Variants in PLEKHM3 observed in about 807,000 individuals in gnomAD.
PLEKHM3 encodes the protein pleckstrin homology domain-containing family M member 3.
In PLEKHM3, 45 loss-of-function variants were observed where a neutral mutation model predicts 81.8. The observed-to-expected ratio is 0.55, with a 90% CI of 0.43 to 0.71. PLEKHM3 has a LOEUF of 0.71. Ranked by LOEUF, PLEKHM3 falls within the 30% of genes least tolerant of loss-of-function variation. The pLI, the probability that PLEKHM3 is intolerant of heterozygous loss-of-function variation, is 0.00. For synonymous variants in PLEKHM3, 352 were observed against 356.4 expected, an observed-to-expected ratio of 0.99 and a Z score of 0.14; for missense variants, 788 against 924.3, an observed-to-expected ratio of 0.85 and a Z score of 1.91.
At chr2:207,984,525 C>T (rs377135464) in intron 2 of PLEKHM3, among the ~76,000 whole-genome samples, 4 of 152,164 alleles carry the variant, frequency 2.6e-5, no homozygotes, top group Admixed American at 6.5e-5. Context: ...GGATTACAGG[C>T]GTGTGCCACC....
At chr2:207,949,563 G>T (rs1690261987) in intron 3 of PLEKHM3, among the ~76,000 whole-genome samples, 1 of 152,092 alleles carries the variant, frequency 6.6e-6, no homozygotes, top group South Asian at 2.1e-4. Flanking sequence ...TTTTTAAAAA[G>T]AAAGAAAGAA....
chr2:208,011,890 T>C (rs1692709975), intron 1 of PLEKHM3, among the ~76,000 whole-genome samples: 1 of 137,446 alleles, frequency 7.3e-6, no homozygotes, highest in Admixed American at 8.1e-5. Flanking sequence ...CTCTGCCTCC[T>C]AGGTTCAAGT....
In PLEKHM3 at chr2:207,993,391, C is replaced by T. The variant is rs1691962122; in HGVS notation, c.610+7639G>A. ...TCAGCAAGAGACCATGTCCTGGTGA[C>T]CTCACTTGTTCTTAGCCTGCAGGAA... On this transcript the variant is annotated intron_variant, in intron 2 of 7. Coordinates refer to ENST00000427836, the MANE Select transcript of PLEKHM3 (RefSeq NM_001080475.3). Among the ~76,000 whole-genome samples the T allele has an allele frequency of 2.0e-5, 3 of 152,046 alleles. No individual in the cohort carries two copies. In the South Asian group the frequency reaches 6.2e-4, roughly 31 times the overall value.
chr2:207,982,314 G>C (rs1691558217), intron 2 of PLEKHM3, among the ~76,000 whole-genome samples: 1 of 145,630 alleles, frequency 6.9e-6, no homozygotes, highest in Admixed American at 7.2e-5. Flanking sequence ...CTGTCACCCA[G>C]GCTGGACAGC....
chr2:207,899,197 G>A (rs1403336778), intron 6 of PLEKHM3, among the ~76,000 whole-genome samples: 1 of 152,180 alleles, frequency 6.6e-6, no homozygotes, highest in Non-Finnish European at 1.5e-5. Context: ...TGAATTGGGT[G>A]AAGTGCTGGA....
At chr2:207,893,407 C>T (rs906323288) in intron 6 of PLEKHM3, among the ~76,000 whole-genome samples, 4 of 152,216 alleles carry the variant, frequency 2.6e-5, no homozygotes, top group African/African-American at 9.7e-5. Context: ...TTAAATTATA[C>T]ACACACCTAA....
At chr2:207,894,637 G>A (rs548551460) in intron 6 of PLEKHM3, among the ~76,000 whole-genome samples, 80 of 152,182 alleles carry the variant, frequency 5.3e-4, no homozygotes, top group Non-Finnish European at 9.8e-4. Flanking sequence ...AATAGAGAAT[G>A]TGAGTGCTGG....
chr2:207,910,274 G>T (rs1688770283), intron 5 of PLEKHM3, among the ~76,000 whole-genome samples: 1 of 152,182 alleles, frequency 6.6e-6, no homozygotes, highest in Non-Finnish European at 1.5e-5. Flanking sequence ...CTTCTCTACA[G>T]GAAGGCCCCT....
At chr2:207,875,898 G>T (rs2092557721) in intron 6 of PLEKHM3, among the ~76,000 whole-genome samples, 1 of 152,120 alleles carries the variant, frequency 6.6e-6, no homozygotes, top group Non-Finnish European at 1.5e-5. Context: ...AGTTACTTTA[G>T]GTATAAGATA....
chr2:207,967,397 TTCTA>T (rs1282536135), intron 3 of PLEKHM3, among the ~76,000 whole-genome samples: 1 of 152,224 alleles, frequency 6.6e-6, no homozygotes, highest in East Asian at 1.9e-4. Context: ...TTTCTCTACC[TTCTA>T]TCTTTGTGGT....
At chr2:207,855,126 CAT>C (rs1263323819) in intron 7 of PLEKHM3, among the ~76,000 whole-genome samples, 3 of 152,164 alleles carry the variant, frequency 2.0e-5, no homozygotes, top group Non-Finnish European at 4.4e-5. Flanking sequence ...TCCCTGGACA[CAT>C]GTCTGTTCCT....
chr2:207,847,518 T>A (rs906151239), intron 7 of PLEKHM3, among the ~76,000 whole-genome samples: 2 of 152,194 alleles, frequency 1.3e-5, no homozygotes, highest in African/African-American at 4.8e-5. Context: ...GCACACGACA[T>A]GTGAGCTGTC....
intron 4 of PLEKHM3, among the ~76,000 whole-genome samples, chr2:207,941,339 T>A (rs1187923131): frequency 6.6e-6 from 1 of 152,018 alleles, no homozygotes; most frequent in Non-Finnish European, 1.5e-5. Flanking sequence ...TACAACCAAC[T>A]CATTTTCAAC....
chr2:207,865,799 AAAAGATATATATAT>A (rs1348624323), intron 6 of PLEKHM3, among the ~76,000 whole-genome samples: 10 of 35,108 alleles, frequency 2.8e-4, no homozygotes, highest in African/African-American at 1.6e-3. Context: ...AAAAAAAAAA[AAAAGATATATATAT>A]ATATATATAT....
chr2:207,977,724 A>G lies in PLEKHM3; in HGVS notation c.611-138T>C. On this transcript the variant is annotated intron_variant, in intron 2 of 7. Transcript: ENST00000427836. ...CTTCTGGTTCAAATTAAACAAAATA[A>G]AAGTAGTAGAATCCCACGATGGTAC... is the stretch of plus-strand genomic sequence containing the variant. 4.1e-6 allele frequency: 3 copies of G among 740,308 alleles called. No homozygotes were observed. In the East Asian group the frequency reaches 8.2e-5, roughly 20 times the overall value. The allele number at this position is 740,308 out of a possible 1,614,324, so 45.9% of individuals were successfully genotyped here.
chr2:207,980,729 T>C lies in PLEKHM3; in HGVS notation c.611-3143A>G, dbSNP rs562815107. ...GAATACAGGTACATGCCACCACACC[T>C]GGCTAATTTTTGTATATTTTTAATA... On this transcript the variant is annotated intron_variant, in intron 2 of 7. Coordinates refer to ENST00000427836, the MANE Select transcript of PLEKHM3 (RefSeq NM_001080475.3). 2.6e-5 allele frequency among the ~76,000 whole-genome samples: 4 copies of C among 152,204 alleles called. No homozygotes were observed. The South Asian group carries it at 8.3e-4, about 32-fold the overall frequency.
chr2:207,841,874 G>A (rs1228658030), intron 7 of PLEKHM3, among the ~76,000 whole-genome samples: 1 of 152,018 alleles, frequency 6.6e-6, no homozygotes, highest in Admixed American at 6.6e-5. Context: ...ATAAAACTTT[G>A]AGAAGTTAAA....
intron 7 of PLEKHM3, among the ~76,000 whole-genome samples, chr2:207,855,855 TA>T (rs1231475973): frequency 6.6e-6 from 1 of 152,172 alleles, no homozygotes; most frequent in Admixed American, 6.5e-5. Context: ...GTGTGACAAC[TA>T]AATATAATAT....
At chr2:208,023,351 A>T (rs917268039) in intron 1 of PLEKHM3, among the ~76,000 whole-genome samples, 3 of 148,418 alleles carry the variant, frequency 2.0e-5, no homozygotes, top group African/African-American at 7.9e-5. Flanking sequence ...ATTGTTAAGT[A>T]CATTCACATT....
Sources: gnomAD v4.1 joint callset for allele counts (sites outside exome capture counted in the v4.1 genomes callset) on GRCh38, gnomAD v4.1.1 for gene constraint, MANE v1.5 for transcripts, NCBI Gene and HGNC (gene_info 2026-07-23, HGNC 2026-07-21) for gene names.